PTK2: variants seen among roughly 807,000 people sequenced by gnomAD.
PTK2 encodes the protein protein tyrosine kinase 2.
Under a neutral mutation model 150.1 loss-of-function variants are expected in PTK2, and 45 were observed. The ratio of observed to expected loss-of-function variants is 0.30; its 90% CI spans 0.24 to 0.38. The LOEUF (loss-of-function observed/expected upper bound fraction) is 0.38. Among genes scored for constraint, PTK2 ranks in the 10% least tolerant of loss-of-function variants. The probability of loss-of-function intolerance (pLI) is 1.00; values close to 1 mark genes in which losing one functional copy is unlikely to be tolerated. For missense variants in PTK2, 919 were observed against 1,307.3 expected, an observed-to-expected ratio of 0.70 and a Z score of 4.58; for synonymous variants, 432 against 449.2, an observed-to-expected ratio of 0.96 and a Z score of 0.48.
At chr8:140,775,346 G>A (rs190422658) in intron 14 of PTK2, among the ~76,000 whole-genome samples, 37 of 151,704 alleles carry the variant, frequency 2.4e-4, no homozygotes, top group African/African-American at 8.0e-4. Flanking sequence ...CTAGTCAGGC[G>A]TGGTGGTGTG....
intron 1 of PTK2, among the ~76,000 whole-genome samples, chr8:140,959,344 C>T (rs1447048668): frequency 6.8e-6 from 1 of 146,460 alleles, no homozygotes; most frequent in Non-Finnish European, 1.5e-5. Context: ...TCCTGGCTAA[C>T]ACAGTGAAAC....
intron 10 of PTK2, among the ~76,000 whole-genome samples, chr8:140,811,204 T>C (rs1281603328): frequency 2.0e-5 from 3 of 152,290 alleles, no homozygotes; most frequent in Admixed American, 6.5e-5. Context: ...ACTCCACAAG[T>C]GCAGTGGATT....
chr8:140,827,544 G>C (rs559182814), intron 8 of PTK2, among the ~76,000 whole-genome samples: 2 of 152,188 alleles, frequency 1.3e-5, no homozygotes, highest in South Asian at 4.1e-4. Flanking sequence ...GTTTTTTTTA[G>C]GGGGGTGGGG....
chr8:140,939,968 A>G (rs1164273722), intron 1 of PTK2, among the ~76,000 whole-genome samples: 3 of 152,218 alleles, frequency 2.0e-5, no homozygotes, highest in Non-Finnish European at 4.4e-5. Flanking sequence ...GTGGGGAAAA[A>G]TGAACAGAAG....
intron 17 of PTK2, 143 bp downstream of exon 20, chr8:140,752,089 T>G (rs778168868): frequency 1.3e-6 from 1 of 741,382 alleles, no homozygotes; most frequent in African/African-American, 1.7e-5. Context: ...TGTACAAATT[T>G]AGACATTAAT....
intron 17 of PTK2, 32 bp from the exon 21 acceptor site, chr8:140,746,892 CTTTTTTTTT>C (rs369382658): frequency 4.0e-6 from 4 of 989,542 alleles, no homozygotes; most frequent in East Asian, 5.6e-5. Flanking sequence ...GTTATTCTTT[CTTTTTTTTT>C]TTTTTTTTTA....
chr8:140,791,812 G>T, intron 13 of PTK2, among the ~76,000 whole-genome samples: 1 of 152,152 alleles, frequency 6.6e-6, no homozygotes, highest in East Asian at 1.9e-4. Context: ...GCAAAAGACA[G>T]GATGTTTGCT....
intron 22 of PTK2, among the ~76,000 whole-genome samples, chr8:140,728,933 T>C (rs759252889): frequency 1.6e-4 from 24 of 152,096 alleles, no homozygotes; most frequent in Non-Finnish European, 2.5e-4. Flanking sequence ...CTTTGAAAAA[T>C]TGATACACGC....
chr8:140,826,760 A>C (rs1295949352), intron 8 of PTK2, among the ~76,000 whole-genome samples: 1 of 152,052 alleles, frequency 6.6e-6, no homozygotes, highest in Non-Finnish European at 1.5e-5. Flanking sequence ...ACAGAAAAAA[A>C]TACAAAAATT....
intron 14 of PTK2, among the ~76,000 whole-genome samples, chr8:140,773,285 A>G (rs1566057476): frequency 6.6e-6 from 1 of 152,264 alleles, no homozygotes; most frequent in South Asian, 2.1e-4. Flanking sequence ...TAAACTAGGC[A>G]TACCATGTAG....
At chr8:141,000,286 G>A (rs2100199596) in intron 1 of PTK2, among the ~76,000 whole-genome samples, 1 of 152,236 alleles carries the variant, frequency 6.6e-6, no homozygotes, top group Non-Finnish European at 1.5e-5. Context: ...ACTTCAGTGA[G>A]GGCTCCAGGG....
At chr8:140,990,353 T>C (rs988096209) in intron 1 of PTK2, among the ~76,000 whole-genome samples, 4 of 151,762 alleles carry the variant, frequency 2.6e-5, no homozygotes, top group Non-Finnish European at 4.4e-5. Flanking sequence ...TCCCACCTCA[T>C]CCTCCTGAAT....
chr8:140,892,667 A>C, intron 2 of PTK2: 1 of 412,904 alleles, frequency 2.4e-6, no homozygotes, highest in Non-Finnish European at 4.7e-6. Flanking sequence ...AGCACAGTAA[A>C]AGGAAAAAAA....
At position 140,659,516 on chromosome 8, in the gene PTK2, C is replaced by A. The variant is rs2076339462; in HGVS notation, c.3109G>T (p.Val1037Phe). The change falls in exon 32 of 32, where the codon GTC becomes TTC. Residue 1037 changes from valine (V) to phenylalanine (F), a missense_variant. Around this residue, in one of 3 missense-constraint regions of PTK2, gnomAD observed 106 missense variants for 161.8 expected, o/e 0.66. Transcript: ENST00000522684. ...ATTTTCAGTCTTGCTTGGTCAATGA[C>A]ATCGAGTAAGTTTTTGGCATCCACA... The A allele has an allele frequency of 6.2e-7, 1 of 1,613,572 alleles. No homozygotes were observed. Among genetic ancestry groups the A allele is most frequent in the Non-Finnish European group, 8.5e-7 (1 of 1,180,028 alleles).
At chr8:140,890,627 T>C in exon 3 of PTK2, 1 of 1,614,112 alleles carries the variant, frequency 6.2e-7, no homozygotes, top group Non-Finnish European at 8.5e-7. Context: ...GAAAGACCTT[T>C]AATACTCGCT....
intron 31 of PTK2, among the ~76,000 whole-genome samples, chr8:140,661,603 A>G (rs903495268): frequency 6.6e-6 from 1 of 152,226 alleles, no homozygotes; most frequent in African/African-American, 2.4e-5. Context: ...AAGAACTACC[A>G]GAGTGAAAAA....
At chr8:140,846,375 T>C in intron 6 of PTK2, 53 bp from the exon 7 acceptor site, 2 of 1,554,244 alleles carry the variant, frequency 1.3e-6, no homozygotes, top group Non-Finnish European at 1.8e-6. Context: ...ATGTTTGTGT[T>C]GTTAAGTGAT....
intron 2 of PTK2, among the ~76,000 whole-genome samples, chr8:140,914,178 A>G (rs1224056184): frequency 6.6e-6 from 1 of 152,212 alleles, no homozygotes; most frequent in African/African-American, 2.4e-5. Flanking sequence ...TGAGCTACGA[A>G]TCAATGACAT....
exon 21 of PTK2, chr8:140,739,035 C>G: frequency 6.3e-7 from 1 of 1,576,626 alleles, no homozygotes. Flanking sequence ...CCATACGTCA[C>G]TAGCTGAGGT....
Sources: gnomAD v4.1 joint callset for allele counts (sites outside exome capture counted in the v4.1 genomes callset) on GRCh38, gnomAD v4.1.1 for gene constraint, gnomAD v4.1.1 regional missense constraint, MANE v1.5 for transcripts, NCBI Gene and HGNC (gene_info 2026-07-23, HGNC 2026-07-21) for gene names.